The following DAAM1 variants were observed in gnomAD, a reference collection of about 807,000 sequenced individuals.
DAAM1 encodes the protein dishevelled associated activator of morphogenesis 1.
In DAAM1, 52 loss-of-function variants were observed where a neutral mutation model predicts 130.0. The ratio of observed to expected loss-of-function variants is 0.40; its 90% CI spans 0.32 to 0.50. DAAM1 has a LOEUF of 0.50. Ranked by LOEUF, DAAM1 falls within the 20% of genes least tolerant of loss-of-function variation. The pLI is 0.61. For synonymous variants in DAAM1, 452 were observed against 444.5 expected (o/e 1.02, Z -0.21); for missense variants, 1,134 against 1,303.8 (o/e 0.87, Z 2.01).
intron 17 of DAAM1, among the ~76,000 whole-genome samples, chr14:59,351,916 A>C (rs1477104371): frequency 1.3e-5 from 2 of 152,144 alleles, no homozygotes; most frequent in Non-Finnish European, 2.9e-5. Context: ...TCCCATGCTC[A>C]TTTCTTCCTT....
chr14:59,339,387 G>A (rs1885757335), intron 15 of DAAM1, among the ~76,000 whole-genome samples: 1 of 152,104 alleles, frequency 6.6e-6, no homozygotes, highest in Non-Finnish European at 1.5e-5. Flanking sequence ...CACTCTAACA[G>A]TATATTATAC....
At chr14:59,364,323 C>T (rs1314381900) in intron 23 of DAAM1, among the ~76,000 whole-genome samples, 1 of 151,688 alleles carries the variant, frequency 6.6e-6, no homozygotes, top group Non-Finnish European at 1.5e-5. Context: ...AGTCTCATTA[C>T]AAGAGGTTTT....
rs575613879 is a variant in DAAM1 at position 59,341,448 on chromosome 14, G to A, written c.2075+1268G>A. ...ACTTTCTGCGTTTTCAGTTACTCAC[G>A]GTCCAGTACAACAAGATATTTGGAG... is the stretch of plus-strand genomic sequence containing the variant. On this transcript the variant is annotated intron_variant, in intron 16 of 24. Transcript: ENST00000360909. Among the ~76,000 whole-genome samples, 8 of 152,170 alleles carry A rather than the reference G, an allele frequency of 5.3e-5. No individual in the cohort carries two copies. The East Asian group carries it at 9.6e-4, about 18-fold the overall frequency.
chr14:59,204,577 C>G, intron 1 of DAAM1, among the ~76,000 whole-genome samples: 1 of 152,192 alleles, frequency 6.6e-6, no homozygotes, highest in Non-Finnish European at 1.5e-5. Context: ...GGTATCTCAT[C>G]ATAGTGACTG....
At chr14:59,356,795 A>G (rs1449391515) in intron 20 of DAAM1, among the ~76,000 whole-genome samples, 1 of 152,256 alleles carries the variant, frequency 6.6e-6, no homozygotes, top group Non-Finnish European at 1.5e-5. Flanking sequence ...TGAGGTTACT[A>G]CAGAATTTAC....
intron 20 of DAAM1, among the ~76,000 whole-genome samples, chr14:59,355,598 T>C (rs956047964): frequency 2.6e-5 from 4 of 152,238 alleles, no homozygotes; most frequent in African/African-American, 4.8e-5. Flanking sequence ...AGTTTTGCTG[T>C]TGTTTTTGTT....
At chr14:59,363,378 G>T (rs984771203) in intron 22 of DAAM1, 1 of 279,192 alleles carries the variant, frequency 3.6e-6, no homozygotes, top group Admixed American at 4.9e-5. Context: ...AAATCTGCTT[G>T]CTTTCTAAAG....
At chr14:59,248,910 C>T (rs1300409795) in intron 1 of DAAM1, among the ~76,000 whole-genome samples, 1 of 152,180 alleles carries the variant, frequency 6.6e-6, no homozygotes, top group Admixed American at 6.5e-5. Flanking sequence ...GCCTCAGCCT[C>T]CCAAGTAGCT....
Position 59,324,058 on chromosome 14 carries a change from T to C in DAAM1, c.775-70T>C, listed in dbSNP as rs2040388765. 7 of 1,060,708 alleles carry C rather than the reference T, an allele frequency of 6.6e-6. No homozygotes were observed. In the Admixed American group the frequency reaches 1.5e-4, roughly 23 times the overall value. 65.7% of individuals were successfully genotyped at this position (1,060,708 alleles called of 1,614,324 possible). A position where few individuals can be genotyped will look rare whatever the true frequency, so the allele number is the denominator to read the frequency against. ...AAAAAAAAAAAAGTTAACTTTTGAG[T>C]ATAAAAAAATTCATAAAATGAGCAT... On this transcript the variant is annotated intron_variant, in intron 6 of 24. Transcript: ENST00000360909.
chr14:59,248,681 C>T (rs1020462503), intron 1 of DAAM1, among the ~76,000 whole-genome samples: 4 of 152,186 alleles, frequency 2.6e-5, no homozygotes, highest in Admixed American at 2.0e-4. Flanking sequence ...TACCCCTTCT[C>T]CATCCTCAAG....
rs10134456 is a variant in DAAM1 at position 59,311,044 on chromosome 14, C to T, written c.274-4236C>T. On this transcript the variant is annotated intron_variant, in intron 3 of 24. Coordinates refer to ENST00000360909, the MANE Select transcript of DAAM1 (RefSeq NM_001270520.2). ...GGAAATGATCCTATTAAGAAAGTGT[C>T]CTGTGCTAACTTCAGAAGAAGTTAT... Among the ~76,000 whole-genome samples, 318 of 152,176 alleles carry T rather than the reference C, an allele frequency of 2.1e-3. 1 individual carries two copies. Among genetic ancestry groups the T allele is most frequent in the African/African-American group, 7.2e-3 (299 of 41,542 alleles).
intron 1 of DAAM1, among the ~76,000 whole-genome samples, chr14:59,260,846 G>A (rs1882127800): frequency 6.6e-6 from 1 of 152,164 alleles, no homozygotes. Flanking sequence ...GGAGGATGTT[G>A]CTAGACAAAG....
chr14:59,240,398 A>G (rs1889439732), intron 1 of DAAM1, among the ~76,000 whole-genome samples: 1 of 152,212 alleles, frequency 6.6e-6, no homozygotes, highest in Non-Finnish European at 1.5e-5. Context: ...CAAGTGGACC[A>G]TGAATCAGGG....
chr14:59,304,258 G>T (rs147344090), intron 3 of DAAM1, among the ~76,000 whole-genome samples: 5 of 152,308 alleles, frequency 3.3e-5, no homozygotes, highest in African/African-American at 1.2e-4. Flanking sequence ...CGTTTCCTGT[G>T]TCTTTCCTAT....
intron 24 of DAAM1, 132 bp from the exon 25 acceptor site, chr14:59,368,518 T>C (rs1887013996): frequency 1.1e-6 from 1 of 914,678 alleles, no homozygotes; most frequent in Non-Finnish European, 1.6e-6. Context: ...TCTTGTGATA[T>C]CCAAAGGGGG....
chr14:59,272,963 T>C (rs571247952), intron 2 of DAAM1, among the ~76,000 whole-genome samples: 1 of 152,208 alleles, frequency 6.6e-6, no homozygotes, highest in East Asian at 1.9e-4. Context: ...TAGGCTGATA[T>C]TGACATAAGT....
intron 1 of DAAM1, among the ~76,000 whole-genome samples, chr14:59,226,294 GA>G (rs1888941583): frequency 6.6e-6 from 1 of 152,100 alleles, no homozygotes; most frequent in Non-Finnish European, 1.5e-5. Context: ...CACCAAAGGG[GA>G]TATTTCTTTG....
intron 6 of DAAM1, 106 bp downstream of exon 6, chr14:59,323,331 T>C (rs566496638): frequency 8.4e-7 from 1 of 1,193,668 alleles, no homozygotes; most frequent in Non-Finnish European, 1.2e-6. Context: ...TGTCCTCTTG[T>C]GGTGATTACT....
At chr14:59,351,940 G>A (rs531133828) in intron 17 of DAAM1, among the ~76,000 whole-genome samples, 33 of 151,704 alleles carry the variant, frequency 2.2e-4, no homozygotes, top group Middle Eastern at 3.4e-3. Flanking sequence ...AATAAAATAC[G>A]AAATTAAAAA....
Sources: allele counts gnomAD v4.1 joint callset (sites outside exome capture counted in the v4.1 genomes callset), GRCh38; gene constraint gnomAD v4.1.1; transcripts MANE v1.5; gene names NCBI Gene and HGNC (gene_info 2026-07-23, HGNC 2026-07-21).